VTA1: variants seen among roughly 807,000 people sequenced by gnomAD.
The protein encoded by VTA1 is vacuolar protein sorting-associated protein VTA1 homolog.
VTA1 carries 24 observed loss-of-function variants against 36.9 expected under a neutral mutation model. That is an observed-to-expected ratio of 0.65 (90% confidence interval 0.47 to 0.91). VTA1 has a LOEUF of 0.91. Among genes scored for constraint, VTA1 ranks in the 40% least tolerant of loss-of-function variants. The probability of loss-of-function intolerance (pLI) is 0.00; values close to 1 mark genes in which losing one functional copy is unlikely to be tolerated. For synonymous variants in VTA1, 142 were observed against 130.2 expected (o/e 1.09, Z -0.62); for missense variants, 393 against 377.2 (o/e 1.04, Z -0.35).
At chr6:142,213,420 C>T (rs1253921158) in intron 7 of VTA1, among the ~76,000 whole-genome samples, 1 of 152,172 alleles carries the variant, frequency 6.6e-6, no homozygotes, top group Non-Finnish European at 1.5e-5. Context: ...GTGACTTTTC[C>T]AGGTGCATGA....
chr6:142,213,106 A>G (rs1179898044), intron 7 of VTA1, among the ~76,000 whole-genome samples: 1 of 152,198 alleles, frequency 6.6e-6, no homozygotes, highest in Non-Finnish European at 1.5e-5. Flanking sequence ...ATGAGCCTGT[A>G]AAATCAAAAA....
At chr6:142,150,877 A>T (rs566679445) in intron 1 of VTA1, among the ~76,000 whole-genome samples, 3 of 150,328 alleles carry the variant, frequency 2.0e-5, no homozygotes, top group South Asian at 4.2e-4. Flanking sequence ...GTGCCATTGC[A>T]CTCCAGCCTG....
chr6:142,201,366 A>C (rs1775682074), intron 6 of VTA1, among the ~76,000 whole-genome samples: 1 of 151,936 alleles, frequency 6.6e-6, no homozygotes, highest in Non-Finnish European at 1.5e-5. Flanking sequence ...AAGATAACTG[A>C]AAAGAATAGT....
intron 1 of VTA1, among the ~76,000 whole-genome samples, chr6:142,154,414 T>C (rs969886637): frequency 1.3e-5 from 2 of 152,224 alleles, no homozygotes; most frequent in Admixed American, 6.5e-5. Flanking sequence ...GTGACAATTA[T>C]GAATAAAGTG....
At chr6:142,198,308 C>A in intron 5 of VTA1, 131 bp from the exon 6 acceptor site, 1 of 726,758 alleles carries the variant, frequency 1.4e-6, no homozygotes, top group Non-Finnish European at 2.0e-6. Flanking sequence ...AAGAATAGAG[C>A]TTGCTTCTCC....
intron 4 of VTA1, among the ~76,000 whole-genome samples, chr6:142,180,453 G>A (rs898191290): frequency 6.6e-6 from 1 of 152,134 alleles, no homozygotes. Flanking sequence ...TAATAGAAGA[G>A]CAGAGAAGGC....
intron 4 of VTA1, among the ~76,000 whole-genome samples, chr6:142,178,308 A>G (rs1162351330): frequency 6.6e-6 from 1 of 152,170 alleles, no homozygotes; most frequent in Non-Finnish European, 1.5e-5. Flanking sequence ...AAGAAAAAAA[A>G]TAAAACAAAT....
chr6:142,169,546 T>C lies in VTA1; in HGVS notation c.208-4T>C. ...CATAAGCTATGTATCTGATTTTATT[T>C]TAGCTAAAGAAGCAGTTGGGTGATA... On this transcript the variant is annotated splice_region_variant and splice_polypyrimidine_tract_variant and intron_variant, in intron 2 of 7. Coordinates refer to ENST00000367630, the MANE Select transcript of VTA1 (RefSeq NM_016485.5). 6.2e-7 allele frequency: 1 copy of C among 1,606,556 alleles called. No homozygotes were observed. The highest frequency in any genetic ancestry group is 8.5e-7 in the Non-Finnish European group (1 of 1,178,412).
In VTA1 at chr6:142,169,403, G is replaced by T. The variant is rs561809930; in HGVS notation, c.208-147G>T. On this transcript the variant is annotated intron_variant, in intron 2 of 7. Coordinates refer to ENST00000367630, the MANE Select transcript of VTA1 (RefSeq NM_016485.5). ...AAATGCATTGGGCTGAGGCATAGCA[G>T]CTCTTTTTGCAAGATTTCATTGATG... is the stretch of plus-strand genomic sequence containing the variant. 232 of 878,274 alleles carry T rather than the reference G, an allele frequency of 2.6e-4. No individual in the cohort carries two copies. The African/African-American group carries it at 3.8e-3, about 14-fold the overall frequency. 54.4% of individuals were successfully genotyped at this position (878,274 alleles called of 1,614,324 possible).
chr6:142,164,346 G>A (rs1223759648), intron 1 of VTA1, among the ~76,000 whole-genome samples: 1 of 151,944 alleles, frequency 6.6e-6, no homozygotes, highest in Non-Finnish European at 1.5e-5. Flanking sequence ...TACGCTGGTA[G>A]TGCAGTATAT....
At chr6:142,161,583 AAAT>A (rs1038237199) in intron 1 of VTA1, among the ~76,000 whole-genome samples, 2 of 152,210 alleles carry the variant, frequency 1.3e-5, no homozygotes, top group African/African-American at 4.8e-5. Flanking sequence ...ACTCATCATC[AAAT>A]AATATTTATT....
intron 7 of VTA1, among the ~76,000 whole-genome samples, chr6:142,210,658 A>G (rs937624919): frequency 6.6e-6 from 1 of 152,222 alleles, no homozygotes; most frequent in African/African-American, 2.4e-5. Context: ...CAGCATCACT[A>G]ATCATCAGAG....
chr6:142,189,858 G>C (rs1286831122), intron 5 of VTA1, among the ~76,000 whole-genome samples: 1 of 152,074 alleles, frequency 6.6e-6, no homozygotes, highest in Non-Finnish European at 1.5e-5. Context: ...GCAGGTTCAT[G>C]CCATTCTCCT....
rs1315422560 is a variant in VTA1, at chr6:142,189,471, C to A, written c.457C>A (p.His153Asn). ...TGCCAGATGGAAGGCAACATACATCCATAATTGTTTAAAGAATGGGGAGAC... is the reference window on the plus strand; with the variant it reads ...TGCCAGATGGAAGGCAACATACATCAATAATTGTTTAAAGAATGGGGAGAC... ...KYARWKATYI[H>N]NCLKNGETPQ... Residue 153 changes from histidine to asparagine, a missense_variant, in exon 5 of 8, where the codon CAT becomes AAT. By Grantham distance (68) the His-to-Asn change is moderately conservative. Coordinates refer to ENST00000367630, the MANE Select transcript of VTA1 (RefSeq NM_016485.5). The A allele has an allele frequency of 6.2e-7, 1 of 1,613,838 alleles. No homozygotes were observed. The highest frequency in any genetic ancestry group is 1.3e-5 in the African/African-American group (1 of 74,880).
intron 5 of VTA1, among the ~76,000 whole-genome samples, chr6:142,196,904 T>A (rs553182662): frequency 6.6e-6 from 1 of 152,314 alleles, no homozygotes; most frequent in Admixed American, 6.5e-5. Flanking sequence ...CAGCTTTAAG[T>A]TGCTTTTCTC....
At position 142,223,259 on chromosome 6, in the gene VTA1, C is replaced by T. The variant is rs940528254; in HGVS notation, c.*4616C>T. On this transcript the variant is annotated 3_prime_UTR_variant, in exon 8 of 8. Transcript: ENST00000367630. ...GATCTATGACCTGAAATTGTATGGA[C>T]TGCAGCAATCCAAGGGGACACTAAG... is the stretch of plus-strand genomic sequence containing the variant. 6.6e-6 allele frequency: 1 copy of T among 152,208 alleles called. No homozygotes were observed. Among genetic ancestry groups the T allele is most frequent in the African/African-American group, 2.4e-5 (1 of 41,456 alleles). 9.4% of individuals were successfully genotyped at this position (152,208 alleles called of 1,614,324 possible).
At chr6:142,172,967 C>CAAAAAAAAAAAA (rs1351540478) in intron 4 of VTA1, among the ~76,000 whole-genome samples, 1 of 96,898 alleles carries the variant, frequency 1.0e-5, no homozygotes. Context: ...AACCATTTGA[C>CAAAAAAAAAAAA]AAAAAAAAAA....
At chr6:142,185,121 A>G (rs1170092808) in intron 4 of VTA1, among the ~76,000 whole-genome samples, 11 of 152,144 alleles carry the variant, frequency 7.2e-5, no homozygotes, top group African/African-American at 2.7e-4. Context: ...AAACTAAAGT[A>G]TCATTTCCTT....
At position 142,167,174 on chromosome 6, in the gene VTA1, T is replaced by C. The variant is rs759571313; in HGVS notation, c.207+852T>C. On this transcript the variant is annotated intron_variant, in intron 2 of 7. Transcript: ENST00000367630. ...GACTAATTAGTCACCTTCTTGAACC[T>C]AATATAACGTCACAGATCACTGTAG... 2.0e-5 allele frequency among the ~76,000 whole-genome samples: 3 copies of C among 152,164 alleles called. No homozygotes were observed. In the East Asian group the frequency reaches 5.8e-4, roughly 29 times the overall value.
Sources: allele counts gnomAD v4.1 joint callset (sites outside exome capture counted in the v4.1 genomes callset), GRCh38; gene constraint gnomAD v4.1.1; transcripts MANE v1.5; gene names NCBI Gene and HGNC (gene_info 2026-07-23, HGNC 2026-07-21).